Variants in DRAM1 observed in about 807,000 individuals in gnomAD.
DRAM1 encodes DNA damage regulated autophagy modulator 1.
DRAM1 carries 25 observed loss-of-function variants against 28.5 expected under a neutral mutation model. The ratio of observed to expected loss-of-function variants is 0.88; its 90% CI spans 0.64 to 1.23. The LOEUF is 1.23. Among genes scored for constraint, DRAM1 ranks in the 50% most tolerant of loss-of-function variants. DRAM1 has a pLI of 0.00. For synonymous variants in DRAM1, 113 were observed against 114.2 expected, an observed-to-expected ratio of 0.99 and a Z score of 0.07; for missense variants, 249 against 299.2, an observed-to-expected ratio of 0.83 and a Z score of 1.24.
At chr12:101,889,940 CAAAAAAAAAAAAA>C (rs778793274) in intron 1 of DRAM1, 2 of 245,556 alleles carry the variant, frequency 8.1e-6, no homozygotes, top group Admixed American at 6.9e-5. Context: ...GACTCTGTCT[CAAAAAAAAAAAAA>C]AAAAAAAAAG....
intron 1 of DRAM1, among the ~76,000 whole-genome samples, chr12:101,891,363 C>T (rs985924154): frequency 6.6e-6 from 1 of 152,086 alleles, no homozygotes; most frequent in Non-Finnish European, 1.5e-5. Context: ...TCCAATAAAC[C>T]ATAATTCTAG....
chr12:101,906,869 AAAAAG>A (rs1347097293), intron 3 of DRAM1, among the ~76,000 whole-genome samples: 95 of 147,950 alleles, frequency 6.4e-4, no homozygotes, highest in East Asian at 3.3e-3. Flanking sequence ...AAAAAAAAAA[AAAAAG>A]AAAAGAAAAG....
intron 1 of DRAM1, among the ~76,000 whole-genome samples, chr12:101,879,721 C>T (rs1216301008): frequency 1.3e-5 from 2 of 152,148 alleles, no homozygotes; most frequent in South Asian, 4.1e-4. Context: ...CTCAGCTGGG[C>T]ACAGTGGCTC....
intron 4 of DRAM1, among the ~76,000 whole-genome samples, chr12:101,910,079 A>T (rs1296788916): frequency 6.6e-6 from 1 of 152,252 alleles, no homozygotes; most frequent in Non-Finnish European, 1.5e-5. Flanking sequence ...CAAAATGTGA[A>T]GTCTAAGTAT....
At chr12:101,884,379 A>AAG (rs1190839926) in intron 1 of DRAM1, among the ~76,000 whole-genome samples, 1 of 151,510 alleles carries the variant, frequency 6.6e-6, no homozygotes, top group Non-Finnish European at 1.5e-5. Context: ...CAAAAAAAAA[A>AAG]AAAAAAAAAA....
At chr12:101,917,809 C>G (rs985686059) in intron 5 of DRAM1, among the ~76,000 whole-genome samples, 2 of 151,918 alleles carry the variant, frequency 1.3e-5, no homozygotes, top group Non-Finnish European at 2.9e-5. Flanking sequence ...GGGGAATTAG[C>G]CCCATCATGC....
intron 3 of DRAM1, among the ~76,000 whole-genome samples, chr12:101,907,958 C>T (rs1296297937): frequency 6.6e-6 from 1 of 152,140 alleles, no homozygotes; most frequent in Non-Finnish European, 1.5e-5. Context: ...GTAAGGCAGA[C>T]CTCCTTTCCT....
chr12:101,888,576 G>A (rs1028622404), intron 1 of DRAM1, among the ~76,000 whole-genome samples: 4 of 152,138 alleles, frequency 2.6e-5, no homozygotes, highest in African/African-American at 9.7e-5. Flanking sequence ...GGTGATGGAT[G>A]GAGTGTTGTT....
At chr12:101,891,458 A>G (rs888699956) in intron 1 of DRAM1, among the ~76,000 whole-genome samples, 1 of 152,216 alleles carries the variant, frequency 6.6e-6, no homozygotes, top group African/African-American at 2.4e-5. Context: ...ATTATCCAGC[A>G]TGTTTTCTTT....
chr12:101,884,528 G>A (rs1216995845), intron 1 of DRAM1, among the ~76,000 whole-genome samples: 2 of 152,156 alleles, frequency 1.3e-5, no homozygotes, highest in Non-Finnish European at 2.9e-5. Flanking sequence ...CTCCTGCCAT[G>A]ATATCTTGCT....
intron 1 of DRAM1, among the ~76,000 whole-genome samples, chr12:101,879,762 G>A (rs1459320761): frequency 6.6e-6 from 1 of 152,164 alleles, no homozygotes; most frequent in Non-Finnish European, 1.5e-5. Flanking sequence ...TTGGGAGGCC[G>A]AGGCTGGCGG....
In DRAM1 at chr12:101,877,672, G is replaced by A. The variant is rs866685572; in HGVS notation, c.-118G>A. 2.5e-5 allele frequency: 18 copies of A among 727,212 alleles called. No homozygotes were observed. Among genetic ancestry groups the A allele is most frequent in the Middle Eastern group, 4.8e-4 (1 of 2,062 alleles). The allele number at this position is 727,212 out of a possible 1,614,324, so 45.0% of individuals were successfully genotyped here. ...CTGGGCCTGCCCCGGCCGTCGCGGA[G>A]CCTCCCCTCCCACCGTCCGTGAGTG... On this transcript the variant is annotated 5_prime_UTR_variant, in exon 1 of 7. Transcript: ENST00000258534. The surrounding 1 kb of genome is among the most constrained non-coding windows in gnomAD (Gnocchi z 4.1).
Position 101,914,228 on chromosome 12 carries a change from A to G in DRAM1, c.575A>G (p.Glu192Gly). ...SITKLEWNPR[E>G]KDYVYHVVSA... The stretch of plus-strand genomic sequence containing the variant: ...ACCAAGCTGGAGTGGAATCCAAGAG[A>G]AAAGGTAACATTTAAGTTGTTGTGA... Residue 192 changes from glutamate to glycine, a missense_variant, in exon 5 of 7, where the codon GAA (glutamate) becomes GGA (glycine). Transcript: ENST00000258534. The G allele has an allele frequency of 6.2e-7, 1 of 1,606,670 alleles. No individual in the cohort carries two copies. Among genetic ancestry groups the G allele is most frequent in the Non-Finnish European group, 8.5e-7 (1 of 1,177,378 alleles).
chr12:101,880,535 T>A (rs1430216065), intron 1 of DRAM1, among the ~76,000 whole-genome samples: 1 of 152,026 alleles, frequency 6.6e-6, no homozygotes, highest in Non-Finnish European at 1.5e-5. Context: ...ATGATCCACC[T>A]GCCTCAGCCT....
At chr12:101,905,757 T>TTTTATTTATTTATTTATTTATTTA (rs141269206) in intron 3 of DRAM1, among the ~76,000 whole-genome samples, 1 of 147,420 alleles carries the variant, frequency 6.8e-6, no homozygotes, top group African/African-American at 2.6e-5. Flanking sequence ...GCCCATCTGA[T>TTTTATTTATTTATTTATTTATTTA]TTTATTTATT....
At position 101,908,288 on chromosome 12, in the gene DRAM1, C is replaced by G; in HGVS notation, c.445C>G (p.Pro149Ala). The part of the protein sequence containing the change: ...LQSIISYKSC[P>A]QWNSLSTCHI... Reference sequence around the variant, plus strand: ...GTCCATCATCTCTTACAAATCATGTCCCCAGTGGAACAGTCTCTCGACATG... The same window carrying G: ...GTCCATCATCTCTTACAAATCATGTGCCCAGTGGAACAGTCTCTCGACATG... Residue 149 changes from proline (P) to alanine (A), a missense_variant, in exon 4 of 7, where the codon CCC becomes GCC. Coordinates refer to ENST00000258534, the MANE Select transcript of DRAM1 (RefSeq NM_018370.3). The G allele has an allele frequency of 1.2e-6, 2 of 1,614,124 alleles. No homozygotes were observed.
In DRAM1 at chr12:101,877,886, T is replaced by A. The variant is rs1594286188; in HGVS notation, c.97T>A (p.Ser33Thr). ...TATCTCCTACGTGGTCGCCGTGCTC[T>A]CCGGGCACGTCAACCCCTTCCTCCC... The part of the protein sequence containing the change: ...FIISYVVAVL[S>T]GHVNPFLPYI... The change falls in exon 1 of 7, where the codon TCC becomes ACC. Residue 33 changes from serine to threonine, a missense_variant. By Grantham distance (58) the Ser-to-Thr change is moderately conservative (BLOSUM62 1). Coordinates refer to ENST00000258534, the MANE Select transcript of DRAM1 (RefSeq NM_018370.3). This position sits in a 1 kb window ranked among gnomAD's most constrained non-coding sequence, Gnocchi z 4.1. 6.5e-7 allele frequency: 1 copy of A among 1,543,490 alleles called. No homozygotes were observed. Among genetic ancestry groups the A allele is most frequent in the Middle Eastern group, 1.7e-4 (1 of 5,964 alleles).
intron 3 of DRAM1, among the ~76,000 whole-genome samples, chr12:101,903,758 G>A (rs1317152323): frequency 6.6e-6 from 1 of 151,980 alleles, no homozygotes; most frequent in Non-Finnish European, 1.5e-5. Flanking sequence ...ATTCCACAGT[G>A]TAAACATACA....
chr12:101,893,923 T>A (rs527430104), intron 1 of DRAM1, among the ~76,000 whole-genome samples: 29 of 108,720 alleles, frequency 2.7e-4, no homozygotes, highest in Middle Eastern at 4.8e-3. Flanking sequence ...TGTTTTTTTT[T>A]AAAATTAATT....
Sources: gnomAD v4.1 joint callset for allele counts (sites outside exome capture counted in the v4.1 genomes callset) on GRCh38, gnomAD v4.1.1 for gene constraint, Gnocchi (gnomAD v3.1) non-coding constraint, MANE v1.5 for transcripts, NCBI Gene and HGNC (gene_info 2026-07-23, HGNC 2026-07-21) for gene names.